ZDHHC18: variants seen among roughly 807,000 people sequenced by gnomAD.
ZDHHC18 encodes the protein zDHHC palmitoyltransferase 18, also known as palmitoyltransferase ZDHHC18.
In ZDHHC18, 23 loss-of-function variants were observed where a neutral mutation model predicts 37.5. The ratio of observed to expected loss-of-function variants is 0.61; its 90% CI spans 0.44 to 0.87. The LOEUF (loss-of-function observed/expected upper bound fraction) is 0.87. Among genes scored for constraint, ZDHHC18 ranks in the 40% least tolerant of loss-of-function variants. The pLI is 0.00. For synonymous variants in ZDHHC18, 185 were observed against 218.7 expected, an observed-to-expected ratio of 0.85 and a Z score of 1.36; for missense variants, 406 against 525.6, an observed-to-expected ratio of 0.77 and a Z score of 2.22.
intron 1 of ZDHHC18, among the ~76,000 whole-genome samples, chr1:26,831,464 T>C (rs1156927062): frequency 1.3e-5 from 2 of 152,130 alleles, no homozygotes; most frequent in African/African-American, 4.8e-5. Context: ...AGCAGGGAAA[T>C]GACATGATCT....
intron 2 of ZDHHC18, 39 bp from the exon 3 acceptor site, chr1:26,848,569 C>T (rs1250313453): frequency 1.9e-6 from 3 of 1,595,662 alleles, no homozygotes; most frequent in Non-Finnish European, 2.6e-6. Flanking sequence ...CCCTGGGCTG[C>T]CTTGGGCATT....
chr1:26,851,010 G>A, intron 5 of ZDHHC18, 119 bp from the exon 6 acceptor site: 5 of 961,422 alleles, frequency 5.2e-6, no homozygotes, highest in Non-Finnish European at 8.1e-6. Context: ...GCCACAGGAA[G>A]GTTCCAAAAC....
chr1:26,833,486 G>A (rs12062195), intron 2 of ZDHHC18, among the ~76,000 whole-genome samples: 3 of 151,290 alleles, frequency 2.0e-5, no homozygotes, highest in East Asian at 3.9e-4. Context: ...GTAGAAATAC[G>A]GGGATCTGGG....
chr1:26,853,641 C>A, intron 7 of ZDHHC18, 85 bp from the exon 8 acceptor site: 2 of 1,314,218 alleles, frequency 1.5e-6, no homozygotes, highest in Non-Finnish European at 2.2e-6. Context: ...CTTTCCTTGG[C>A]TGAGATAGAC....
At chr1:26,851,950 A>G (rs1245030457) in intron 6 of ZDHHC18, among the ~76,000 whole-genome samples, 1 of 152,230 alleles carries the variant, frequency 6.6e-6, no homozygotes, top group Admixed American at 6.5e-5. Context: ...AACACTAAAA[A>G]GTAAATGAGA....
At chr1:26,832,656 C>A (rs1242277809) in intron 2 of ZDHHC18, 49 bp downstream of exon 2, 1 of 1,595,502 alleles carries the variant, frequency 6.3e-7, no homozygotes, top group Non-Finnish European at 8.6e-7. Flanking sequence ...GCTCCACATT[C>A]CCTGACTTGG....
chr1:26,839,656 C>T (rs1030557980), intron 2 of ZDHHC18, among the ~76,000 whole-genome samples: 2 of 152,160 alleles, frequency 1.3e-5, no homozygotes, highest in African/African-American at 2.4e-5. Flanking sequence ...CCAGAGCAGT[C>T]TCTGTGATTG....
Position 26,828,494 on chromosome 1 carries a change from G to A in ZDHHC18, c.335+1355G>A, listed in dbSNP as rs548885568. ...AGCCCAGTAACAAGCACACTATGTTGGCTGCTATTAGTACTTGTGTTGTCT... is the reference window on the plus strand; with the variant it reads ...AGCCCAGTAACAAGCACACTATGTTAGCTGCTATTAGTACTTGTGTTGTCT... On this transcript the variant is annotated intron_variant, in intron 1 of 7. Coordinates refer to ENST00000374142, the MANE Select transcript of ZDHHC18 (RefSeq NM_032283.3). 2.0e-5 allele frequency among the ~76,000 whole-genome samples: 3 copies of A among 152,026 alleles called. No individual in the cohort carries two copies. In the East Asian group the frequency reaches 5.8e-4, roughly 29 times the overall value.
chr1:26,854,047 C>T lies in ZDHHC18; in HGVS notation c.*204C>T, dbSNP rs2081721069. 1 of 586,882 alleles carries T rather than the reference C, an allele frequency of 1.7e-6. No individual in the cohort carries two copies. Among genetic ancestry groups the T allele is most frequent in the Non-Finnish European group, 3.0e-6 (1 of 329,384 alleles). The allele number at this position is 586,882 out of a possible 1,614,324, so 36.4% of individuals were successfully genotyped here. On this transcript the variant is annotated 3_prime_UTR_variant, in exon 8 of 8. Transcript: ENST00000374142. This position sits in a 1 kb window ranked among gnomAD's most constrained non-coding sequence, Gnocchi z 4.6. ...AACCCAGGTTCCCACAGCCTTGGGCCCTAGGTACCCCAGCTGATCAGTGCC... is the reference window on the plus strand; with the variant it reads ...AACCCAGGTTCCCACAGCCTTGGGCTCTAGGTACCCCAGCTGATCAGTGCC...
Position 26,850,752 on chromosome 1 carries a change from C to A in ZDHHC18, c.833+146C>A. The A allele has an allele frequency of 9.9e-7, 1 of 1,013,370 alleles. No homozygotes were observed. The highest frequency in any genetic ancestry group is 2.2e-5 in the Admixed American group (1 of 45,082). The allele number at this position is 1,013,370 out of a possible 1,614,324, so 62.8% of individuals were successfully genotyped here. ...TCCAACATGCCAGCTCTTCTGTTCA[C>A]ACCCAGGCAAGAGCTGATCCTAAAT... On this transcript the variant is annotated intron_variant, in intron 5 of 7. Transcript: ENST00000374142. The surrounding 1 kb of genome is among the most constrained non-coding windows in gnomAD (Gnocchi z 6.1).
intron 2 of ZDHHC18, among the ~76,000 whole-genome samples, chr1:26,834,078 C>T (rs1173848445): frequency 6.6e-6 from 1 of 152,160 alleles, no homozygotes; most frequent in East Asian, 1.9e-4. Context: ...TGGGCTGGCC[C>T]ACCTGGCAGC....
At chr1:26,849,662 T>C (rs2081691594) in intron 3 of ZDHHC18, among the ~76,000 whole-genome samples, 1 of 152,200 alleles carries the variant, frequency 6.6e-6, no homozygotes. Flanking sequence ...CCGGGGACAG[T>C]GTGCAGGTGA....
intron 2 of ZDHHC18, among the ~76,000 whole-genome samples, chr1:26,843,405 T>A (rs1284711363): frequency 6.6e-6 from 1 of 150,536 alleles, no homozygotes; most frequent in Non-Finnish European, 1.5e-5. Context: ...CCTCCCAAAG[T>A]GCTGGGATTA....
At chr1:26,847,806 C>G (rs2081679489) in intron 2 of ZDHHC18, among the ~76,000 whole-genome samples, 1 of 152,138 alleles carries the variant, frequency 6.6e-6, no homozygotes, top group African/African-American at 2.4e-5. Flanking sequence ...CTCAGCCTCC[C>G]AAAGTGCTGG....
At chr1:26,846,084 T>G (rs1212321925) in intron 2 of ZDHHC18, among the ~76,000 whole-genome samples, 1 of 151,582 alleles carries the variant, frequency 6.6e-6, no homozygotes, top group African/African-American at 2.4e-5. Context: ...CTCTGCCTTT[T>G]TTTCTCTTAA....
At chr1:26,841,513 G>A (rs566735764) in intron 2 of ZDHHC18, among the ~76,000 whole-genome samples, 1 of 152,134 alleles carries the variant, frequency 6.6e-6, no homozygotes, top group Non-Finnish European at 1.5e-5. Flanking sequence ...GTAAGTGATT[G>A]GAGTGAGATT....
At chr1:26,847,076 T>C (rs895058977) in intron 2 of ZDHHC18, among the ~76,000 whole-genome samples, 3 of 151,900 alleles carry the variant, frequency 2.0e-5, no homozygotes, top group Non-Finnish European at 4.4e-5. Flanking sequence ...TTTGTATTTT[T>C]AGTAGAGACG....
At chr1:26,828,330 C>G (rs2081568560) in intron 1 of ZDHHC18, among the ~76,000 whole-genome samples, 1 of 151,916 alleles carries the variant, frequency 6.6e-6, no homozygotes, top group Admixed American at 6.6e-5. Flanking sequence ...GCTCCACCAC[C>G]CACTAATTGC....
intron 2 of ZDHHC18, among the ~76,000 whole-genome samples, chr1:26,843,039 G>C (rs1468429511): frequency 1.3e-5 from 2 of 152,124 alleles, no homozygotes; most frequent in Non-Finnish European, 2.9e-5. Flanking sequence ...GAAGTTTTGG[G>C]CTTTGCATAT....
Sources: gnomAD v4.1 joint callset for allele counts (sites outside exome capture counted in the v4.1 genomes callset) on GRCh38, gnomAD v4.1.1 for gene constraint, Gnocchi (gnomAD v3.1) non-coding constraint, MANE v1.5 for transcripts, NCBI Gene and HGNC (gene_info 2026-07-23, HGNC 2026-07-21) for gene names.